Variants in ZBTB20 observed in about 807,000 individuals in gnomAD.
ZBTB20 encodes zinc finger and BTB domain-containing protein 20.
In ZBTB20, 9 loss-of-function variants were observed where a neutral mutation model predicts 56.9. That is an observed-to-expected ratio of 0.16 (90% CI 0.10 to 0.28). ZBTB20 has a LOEUF of 0.28. Ranked by LOEUF, ZBTB20 falls within the 10% of genes least tolerant of loss-of-function variation. The pLI is 1.00. For synonymous variants in ZBTB20, 417 were observed against 420.7 expected (o/e 0.99, Z 0.11); for missense variants, 655 against 1,003.0 (o/e 0.65, Z 4.69).
intron 7 of ZBTB20, among the ~76,000 whole-genome samples, chr3:114,412,110 C>G (rs1313644176): frequency 1.3e-5 from 2 of 152,138 alleles, no homozygotes; most frequent in South Asian, 4.2e-4. Flanking sequence ...AGGAAGATGT[C>G]CAGAAATGAC....
In ZBTB20 at chr3:114,359,924, A is replaced by G. The variant is rs554808441; in HGVS notation, c.200-8046T>C. ...CATAATCATATACTTATTTTATAGA[A>G]AAAACAGATTTATAAATTCAGTGAG... On this transcript the variant is annotated intron_variant, in intron 10 of 11. Coordinates refer to ENST00000675478, the MANE Select transcript of ZBTB20 (RefSeq NM_001348800.3). 1.4e-4 allele frequency among the ~76,000 whole-genome samples: 22 copies of G among 152,320 alleles called. No homozygotes were observed. The South Asian group carries it at 4.4e-3, about 30-fold the overall frequency.
At chr3:114,446,029 A>G (rs535288518) in intron 7 of ZBTB20, among the ~76,000 whole-genome samples, 2 of 152,220 alleles carry the variant, frequency 1.3e-5, no homozygotes, top group Non-Finnish European at 2.9e-5. Flanking sequence ...TATATTCCTT[A>G]ACGTTTGTTC....
chr3:114,373,888 G>A (rs2083311102), intron 10 of ZBTB20, among the ~76,000 whole-genome samples: 1 of 152,286 alleles, frequency 6.6e-6, no homozygotes, highest in South Asian at 2.1e-4. Flanking sequence ...AATTGGTGTT[G>A]TAGGGAAATA....
chr3:114,788,769 G>A (rs2070736112), intron 5 of ZBTB20, among the ~76,000 whole-genome samples: 1 of 152,116 alleles, frequency 6.6e-6, no homozygotes, highest in South Asian at 2.1e-4. Flanking sequence ...ACCCAAGACT[G>A]GGTAATTATT....
At chr3:114,651,530 T>C (rs1258053645) in intron 6 of ZBTB20, among the ~76,000 whole-genome samples, 1 of 86,752 alleles carries the variant, frequency 1.2e-5, no homozygotes, top group Non-Finnish European at 2.5e-5. Flanking sequence ...AGGGAATAAG[T>C]AAAACCCTTG....
chr3:114,450,469 G>A (rs568807674), intron 7 of ZBTB20, among the ~76,000 whole-genome samples: 1 of 152,100 alleles, frequency 6.6e-6, no homozygotes, highest in Non-Finnish European at 1.5e-5. Flanking sequence ...GCTTAAAGGG[G>A]TGGAATAAAT....
chr3:114,866,345 A>C (rs1224479526), intron 4 of ZBTB20, among the ~76,000 whole-genome samples: 1 of 152,034 alleles, frequency 6.6e-6, no homozygotes, highest in Admixed American at 6.6e-5. Flanking sequence ...AATTCTAGTA[A>C]GGGCAATCTC....
intron 6 of ZBTB20, among the ~76,000 whole-genome samples, chr3:114,628,714 A>AC (rs1485410535): frequency 7.2e-5 from 11 of 152,262 alleles, no homozygotes; most frequent in African/African-American, 2.6e-4. Context: ...TTAATTTGGT[A>AC]ACTGCCATTT....
At chr3:114,618,137 A>T (rs1477374706) in intron 6 of ZBTB20, among the ~76,000 whole-genome samples, 1 of 151,680 alleles carries the variant, frequency 6.6e-6, no homozygotes, top group African/African-American at 2.4e-5. Flanking sequence ...TGTTGGGTAC[A>T]TAATATGAAT....
At chr3:114,582,325 G>A (rs760762030) in intron 6 of ZBTB20, 5 of 151,462 alleles carry the variant, frequency 3.3e-5, no homozygotes, top group Admixed American at 6.6e-5. Flanking sequence ...ATTAAACTTC[G>A]TTTAACCTGG....
chr3:114,499,526 C>T (rs1433576626), intron 7 of ZBTB20, among the ~76,000 whole-genome samples: 2 of 152,074 alleles, frequency 1.3e-5, no homozygotes, highest in Admixed American at 6.5e-5. Context: ...CAGAGGATAC[C>T]GATAATTATT....
intron 6 of ZBTB20, among the ~76,000 whole-genome samples, chr3:114,526,153 T>C (rs892054705): frequency 6.6e-6 from 1 of 152,214 alleles, no homozygotes; most frequent in South Asian, 2.1e-4. Flanking sequence ...CACTTTCTTA[T>C]GTTCAGTCAC....
intron 6 of ZBTB20, among the ~76,000 whole-genome samples, chr3:114,579,965 A>T (rs78454575): frequency 0.029 from 4,370 of 151,790 alleles, 218 homozygotes; most frequent in African/African-American, 0.098. Flanking sequence ...TCAGAATAAA[A>T]AATCCCAATA....
intron 4 of ZBTB20, among the ~76,000 whole-genome samples, chr3:114,860,031 G>A (rs575743913): frequency 1.2e-4 from 19 of 152,196 alleles, no homozygotes; most frequent in East Asian, 5.8e-4. Flanking sequence ...AATTACAGCC[G>A]GGCGCGGTGG....
intron 3 of ZBTB20, among the ~76,000 whole-genome samples, chr3:114,970,942 G>C (rs747692635): frequency 2.6e-5 from 4 of 151,972 alleles, no homozygotes; most frequent in Non-Finnish European, 4.4e-5. Flanking sequence ...AAGAACCCGG[G>C]AGGTGGAGCT....
chr3:114,643,788 A>C (rs1282356588), intron 6 of ZBTB20, among the ~76,000 whole-genome samples: 3 of 152,102 alleles, frequency 2.0e-5, no homozygotes, highest in African/African-American at 2.4e-5. Context: ...TGACTGAAGT[A>C]CAGTTTTTTC....
chr3:114,987,284 T>C (rs1455186461), intron 2 of ZBTB20, among the ~76,000 whole-genome samples: 1 of 152,138 alleles, frequency 6.6e-6, no homozygotes, highest in Non-Finnish European at 1.5e-5. Context: ...TAATTGTCTC[T>C]ATGAAACAAG....
chr3:114,462,394 CT>C, intron 7 of ZBTB20, among the ~76,000 whole-genome samples: 1 of 152,278 alleles, frequency 6.6e-6, no homozygotes, highest in South Asian at 2.1e-4. Flanking sequence ...GTCTACCTTT[CT>C]ATTTATCAGG....
chr3:114,456,873 C>T (rs2092051377), intron 7 of ZBTB20, among the ~76,000 whole-genome samples: 1 of 152,210 alleles, frequency 6.6e-6, no homozygotes, highest in Admixed American at 6.5e-5. Flanking sequence ...AACAACATTG[C>T]TACTTAGGGA....
Sources: gnomAD v4.1 joint callset for allele counts (sites outside exome capture counted in the v4.1 genomes callset) on GRCh38, gnomAD v4.1.1 for gene constraint, MANE v1.5 for transcripts, NCBI Gene and HGNC (gene_info 2026-07-23, HGNC 2026-07-21) for gene names.